Variants in RARA observed in about 807,000 individuals in gnomAD.
RARA encodes PML-DDX5-RARA fusion.
A neutral mutation model predicts 42.8 loss-of-function variants in RARA; 5 were observed. The observed-to-expected ratio is 0.12, with a 90% CI of 0.06 to 0.25. RARA has a LOEUF of 0.25. RARA is among the 10% of genes least tolerant of loss of function. RARA has a pLI of 1.00. For missense variants in RARA, 402 were observed against 628.7 expected, an observed-to-expected ratio of 0.64 and a Z score of 3.86; for synonymous variants, 256 against 259.5, an observed-to-expected ratio of 0.99 and a Z score of 0.13.
chr17:40,349,741 A>G (rs542669317), intron 3 of RARA, 43 bp from the exon 4 acceptor site: 1 of 1,610,596 alleles, frequency 6.2e-7, no homozygotes, highest in South Asian at 1.1e-5. Flanking sequence ...CACTGCTCCC[A>G]CTGTGGGTGT....
At chr17:40,311,951 A>C (rs1452207257) in intron 1 of RARA, among the ~76,000 whole-genome samples, 1 of 152,342 alleles carries the variant, frequency 6.6e-6, no homozygotes, top group East Asian at 1.9e-4. Flanking sequence ...CTCTCTTTAC[A>C]GAAGCCTACA....
In RARA at chr17:40,355,197, C is replaced by A; in HGVS notation, c.1013-66C>A. 2.0e-6 allele frequency: 3 copies of A among 1,499,900 alleles called. No individual in the cohort carries two copies. Among genetic ancestry groups the A allele is most frequent in the Non-Finnish European group, 1.8e-6 (2 of 1,118,142 alleles). The allele number at this position is 1,499,900 out of a possible 1,614,324, so 92.9% of individuals were successfully genotyped here. ...TCCATGGCCTGGGCAGGCACGCCCC[C>A]CGGTGGCCGAGGCTGGGGGTGCAGC... On this transcript the variant is annotated intron_variant, in intron 7 of 8. Transcript: ENST00000254066. This position sits in a 1 kb window ranked among gnomAD's most constrained non-coding sequence, Gnocchi z 4.1.
chr17:40,333,286 G>A (rs2033753527), intron 2 of RARA, among the ~76,000 whole-genome samples: 1 of 152,188 alleles, frequency 6.6e-6, no homozygotes, highest in Non-Finnish European at 1.5e-5. Context: ...CTGACCTCAT[G>A]ATCCGCCCGC....
At position 40,352,325 on chromosome 17, in the gene RARA, C is replaced by T; in HGVS notation, c.631-6C>T. 1 of 1,594,556 alleles carries T rather than the reference C, an allele frequency of 6.3e-7. No homozygotes were observed. Among genetic ancestry groups the T allele is most frequent in the Non-Finnish European group, 8.6e-7 (1 of 1,168,090 alleles). ...AAGAAGGCCCTCACTCTCCCTCCTC[C>T]CCCAGAACAACAGCTCAGAACAACG... On this transcript the variant is annotated splice_polypyrimidine_tract_variant and splice_region_variant and intron_variant, in intron 5 of 8. Coordinates refer to ENST00000254066, the MANE Select transcript of RARA (RefSeq NM_000964.4). This position sits in a 1 kb window ranked among gnomAD's most constrained non-coding sequence, Gnocchi z 4.9.
At chr17:40,344,547 C>A (rs2034189004) in intron 2 of RARA, among the ~76,000 whole-genome samples, 1 of 152,122 alleles carries the variant, frequency 6.6e-6, no homozygotes. Flanking sequence ...CAGCTCAGCT[C>A]TTCCTGGCCC....
chr17:40,313,737 C>T (rs2033139494), intron 1 of RARA, among the ~76,000 whole-genome samples: 1 of 152,156 alleles, frequency 6.6e-6, no homozygotes, highest in Non-Finnish European at 1.5e-5. Flanking sequence ...ACGCACCAAG[C>T]AAGTCATGGT....
At chr17:40,323,845 G>A (rs1335778261) in intron 1 of RARA, among the ~76,000 whole-genome samples, 2 of 146,908 alleles carry the variant, frequency 1.4e-5, no homozygotes, top group Non-Finnish European at 1.5e-5. Flanking sequence ...GTGGGGGGGT[G>A]TATTCCTGGA....
chr17:40,324,232 G>A (rs188219964), intron 1 of RARA, among the ~76,000 whole-genome samples: 2 of 152,210 alleles, frequency 1.3e-5, no homozygotes, highest in Non-Finnish European at 2.9e-5. Flanking sequence ...AGCTGCCTGC[G>A]TATGGTCCAC....
Position 40,351,544 on chromosome 17 carries a change from G to A in RARA, c.470-366G>A, listed in dbSNP as rs113846047. The stretch of plus-strand genomic sequence containing the variant: ...CTGGGAGGGCTGGGTGAGTGGAGGC[G>A]GGAGAAGGACCTTCCTGGGGAAAGA... On this transcript the variant is annotated intron_variant, in intron 4 of 8. Coordinates refer to ENST00000254066, the MANE Select transcript of RARA (RefSeq NM_000964.4). The surrounding 1 kb of genome is among the most constrained non-coding windows in gnomAD (Gnocchi z 4.1). 292 of 472,360 alleles carry A rather than the reference G, an allele frequency of 6.2e-4. No homozygotes were observed. The highest frequency in any genetic ancestry group is 5.2e-3 in the African/African-American group (263 of 50,160). The allele number at this position is 472,360 out of a possible 1,614,324, so 29.3% of individuals were successfully genotyped here.
rs377334873 is a variant in RARA, at chr17:40,355,981, C to T, written c.1172-28C>T. 5.0e-5 allele frequency: 79 copies of T among 1,570,276 alleles called. No individual in the cohort carries two copies. The African/African-American group carries it at 9.7e-4, about 19-fold the overall frequency. ...GGGGTGGGAGGGCTGGCCCAGCGTG[C>T]TGACCTCTGCCCCCTCCTTTCCTGC... On this transcript the variant is annotated intron_variant, in intron 8 of 8. Transcript: ENST00000254066. The surrounding 1 kb of genome is among the most constrained non-coding windows in gnomAD (Gnocchi z 4.1).
intron 1 of RARA, among the ~76,000 whole-genome samples, chr17:40,325,079 C>T (rs1311681681): frequency 6.6e-6 from 1 of 151,780 alleles, no homozygotes; most frequent in Non-Finnish European, 1.5e-5. Context: ...GGTGAAACCC[C>T]ATCTCTACTA....
chr17:40,339,221 T>A (rs2033949474), intron 2 of RARA, among the ~76,000 whole-genome samples: 1 of 152,142 alleles, frequency 6.6e-6, no homozygotes, highest in South Asian at 2.1e-4. Flanking sequence ...GGAGCCAGTG[T>A]CCACCTGGCA....
chr17:40,323,660 A>C (rs889434500), intron 1 of RARA, among the ~76,000 whole-genome samples: 4 of 139,952 alleles, frequency 2.9e-5, no homozygotes, highest in Admixed American at 2.3e-4. Context: ...TCAGCTGGGG[A>C]TGGTGAGGGG....
intron 1 of RARA, among the ~76,000 whole-genome samples, chr17:40,328,306 GTAGCC>G (rs1474244580): frequency 6.6e-6 from 1 of 152,158 alleles, no homozygotes; most frequent in East Asian, 1.9e-4. Flanking sequence ...GGAACCTAGT[GTAGCC>G]TGAGCTTGGG....
In RARA at chr17:40,348,301, C is replaced by T. The variant is rs773496496; in HGVS notation, c.179-15C>T. The T allele has an allele frequency of 6.4e-7, 1 of 1,560,088 alleles. No homozygotes were observed. Among genetic ancestry groups the T allele is most frequent in the Admixed American group, 1.9e-5 (1 of 53,084 alleles). On this transcript the variant is annotated splice_polypyrimidine_tract_variant and intron_variant, in intron 2 of 8. Coordinates refer to ENST00000254066, the MANE Select transcript of RARA (RefSeq NM_000964.4). ...ACCTAGGTCTCTAACTGCCCCTCCC[C>T]TCTTCTCTCTCTAGCCATTGAGACC...
intron 2 of RARA, chr17:40,342,962 G>A: frequency 1.3e-6 from 2 of 1,509,710 alleles, no homozygotes; most frequent in Non-Finnish European, 8.8e-7. Context: ...GGGGTGTAGT[G>A]GAGGTCCTGT....
intron 1 of RARA, among the ~76,000 whole-genome samples, chr17:40,328,480 G>T (rs1328008392): frequency 6.6e-6 from 1 of 152,102 alleles, no homozygotes; most frequent in Non-Finnish European, 1.5e-5. Flanking sequence ...GTACAATTCA[G>T]TGGTTTTAGT....
Position 40,352,268 on chromosome 17 carries a change from C to A in RARA, c.631-63C>A. On this transcript the variant is annotated intron_variant, in intron 5 of 8. Transcript: ENST00000254066. This position sits in a 1 kb window ranked among gnomAD's most constrained non-coding sequence, Gnocchi z 4.9. ...TGGGTAGAGGGCAGGCCTGTGGGGG[C>A]TGGAGCCAGGCTGAGAAGGGGTGCC... is the stretch of plus-strand genomic sequence containing the variant. The A allele has an allele frequency of 6.5e-7, 1 of 1,541,950 alleles. No homozygotes were observed. Among genetic ancestry groups the A allele is most frequent in the Non-Finnish European group, 8.7e-7 (1 of 1,142,958 alleles).
At chr17:40,349,531 T>G in intron 3 of RARA, 2 of 432,742 alleles carry the variant, frequency 4.6e-6, no homozygotes, top group Admixed American at 4.0e-5. Context: ...AAGGGAGGAG[T>G]CAGGTGTGTG....
Sources: allele counts gnomAD v4.1 joint callset (sites outside exome capture counted in the v4.1 genomes callset), GRCh38; gene constraint gnomAD v4.1.1; non-coding constraint Gnocchi (gnomAD v3.1); transcripts MANE v1.5; gene names NCBI Gene and HGNC (gene_info 2026-07-23, HGNC 2026-07-21).